Variants in RIPK1 observed in about 807,000 individuals in gnomAD.
The protein encoded by RIPK1 is receptor-interacting serine/threonine-protein kinase 1.
Under a neutral mutation model 62.4 loss-of-function variants are expected in RIPK1, and 27 were observed. The observed-to-expected ratio is 0.43, with a 90% CI of 0.32 to 0.60. The LOEUF is 0.60. RIPK1 is among the 20% of genes least tolerant of loss of function. RIPK1 has a pLI of 0.07. For missense variants in RIPK1, 735 were observed against 831.0 expected (o/e 0.88, Z 1.42); for synonymous variants, 287 against 303.2 (o/e 0.95, Z 0.55).
intron 2 of RIPK1, 123 bp downstream of exon 2, chr6:3,077,110 T>C: frequency 1.2e-6 from 1 of 855,462 alleles, no homozygotes; most frequent in South Asian, 2.0e-5. Flanking sequence ...TGCCAAGATG[T>C]CAGGGTGACG....
At chr6:3,107,780 A>G (rs140897471) in intron 9 of RIPK1, among the ~76,000 whole-genome samples, 193 of 152,102 alleles carry the variant, frequency 1.3e-3, no homozygotes, top group African/African-American at 4.4e-3. Flanking sequence ...GTTTAGTGCC[A>G]GAAATCTCTT....
chr6:3,078,087 A>C, intron 3 of RIPK1, 152 bp downstream of exon 3: 2 of 729,124 alleles, frequency 2.7e-6, no homozygotes, highest in Non-Finnish European at 4.4e-6. Flanking sequence ...TTATAGAGAC[A>C]AGGTCTTGCT....
intron 6 of RIPK1, among the ~76,000 whole-genome samples, chr6:3,087,302 G>T (rs1191334835): frequency 6.6e-6 from 1 of 152,014 alleles, no homozygotes; most frequent in African/African-American, 2.4e-5. Flanking sequence ...CATTATTTCT[G>T]TAAGTACTTT....
At chr6:3,070,770 T>C (rs1420080410) in intron 1 of RIPK1, among the ~76,000 whole-genome samples, 1 of 146,850 alleles carries the variant, frequency 6.8e-6, no homozygotes, top group Non-Finnish European at 1.5e-5. Context: ...TTTCTCCGTG[T>C]TTCTGACTGT....
Position 3,110,823 on chromosome 6 carries a change from A to C in RIPK1, c.1597A>C (p.Ile533Leu). 6.3e-7 allele frequency: 1 copy of C among 1,584,234 alleles called. No homozygotes were observed. Among genetic ancestry groups the C allele is most frequent in the Non-Finnish European group, 8.7e-7 (1 of 1,153,684 alleles). Reference sequence around the variant, plus strand: ...TGCAGATGAATCTATAAAATATACCATATACAATAGTACTGGCATTCAGAT... The same window carrying C: ...TGCAGATGAATCTATAAAATATACCCTATACAATAGTACTGGCATTCAGAT... The part of the protein sequence containing the change: ...PPTDESIKYT[I>L]YNSTGIQIGA... Residue 533 changes from isoleucine (I) to leucine (L), a missense_variant, in exon 10 of 11, where the codon ATA (isoleucine) becomes CTA (leucine). This residue lies in a region of RIPK1 where 671 missense variants were observed against 726.2 expected (regional missense o/e 0.92). Transcript: ENST00000259808.
In RIPK1 at chr6:3,076,699, C is replaced by CATATATATATATATAT. The variant is rs10526418; in HGVS notation, c.-60-53_-60-38dup. The CATATATATATATATAT allele has an allele frequency of 4.5e-3, 979 of 217,390 alleles. 55 individuals carry two copies. The highest frequency in any genetic ancestry group is 0.024 in the African/African-American group (570 of 24,060). 13.5% of individuals were successfully genotyped at this position (217,390 alleles called of 1,614,324 possible). Reference sequence around the variant, plus strand: ...TGTCTCCAAAGGAGAAAAAAAAAAACATATATATATATATATATATATATA... The same window carrying CATATATATATATATAT: ...TGTCTCCAAAGGAGAAAAAAAAAAACATATATATATATATATATATATATATATATATATATATATA... On this transcript the variant is annotated intron_variant, in intron 1 of 10. Transcript: ENST00000259808.
At position 3,105,051 on chromosome 6, in the gene RIPK1, C is replaced by T. The variant is rs1309927451; in HGVS notation, c.1007-431C>T. 6.6e-6 allele frequency among the ~76,000 whole-genome samples: 1 copy of T among 152,082 alleles called. No homozygotes were observed. Among genetic ancestry groups the T allele is most frequent in the Non-Finnish European group, 1.5e-5 (1 of 68,028 alleles). ...ATTTTCAGTAGAGATGGGGTTTCGC[C>T]ATGTTGGCCAGGCTGGTCTCGAACT... On this transcript the variant is annotated intron_variant, in intron 8 of 10. Coordinates refer to ENST00000259808, the MANE Select transcript of RIPK1 (RefSeq NM_001354930.2). This position sits in a 1 kb window ranked among gnomAD's most constrained non-coding sequence, Gnocchi z 4.5.
intron 4 of RIPK1, among the ~76,000 whole-genome samples, chr6:3,082,694 G>A (rs1022226069): frequency 4.6e-5 from 7 of 152,188 alleles, no homozygotes; most frequent in Admixed American, 3.3e-4. Flanking sequence ...CTGCATAAAT[G>A]TGCAGAGAAG....
intron 7 of RIPK1, among the ~76,000 whole-genome samples, chr6:3,093,985 A>C (rs865900862): frequency 0.086 from 4,204 of 48,628 alleles, 240 homozygotes; most frequent in Admixed American, 0.14. Context: ...GTAACTGCAG[A>C]GCGCCTACCT....
chr6:3,077,899 G>C lies in RIPK1; in HGVS notation c.285G>C (p.Met95Ile). ...EGKYSLVMEY[M>I]EKGNLMHVLK... ...AGTACTCCCTGGTGATGGAGTACAT[G>C]GAGAAGGGCAACCTGATGCACGTGC... Residue 95 changes from methionine to isoleucine, a missense_variant, in exon 3 of 11, where the codon ATG (methionine) becomes ATC (isoleucine). This residue lies in a region of RIPK1 where 671 missense variants were observed against 726.2 expected (regional missense o/e 0.92). Coordinates refer to ENST00000259808, the MANE Select transcript of RIPK1 (RefSeq NM_001354930.2). 1 of 1,614,216 alleles carries C rather than the reference G, an allele frequency of 6.2e-7. No individual in the cohort carries two copies. The highest frequency in any genetic ancestry group is 8.5e-7 in the Non-Finnish European group (1 of 1,180,034).
At chr6:3,112,925 A>G in intron 10 of RIPK1, 128 bp from the exon 11 acceptor site, 1 of 719,542 alleles carries the variant, frequency 1.4e-6, no homozygotes, top group East Asian at 2.8e-5. Context: ...CAGCTATATA[A>G]CTAAGAAGTT....
At position 3,113,442 on chromosome 6, in the gene RIPK1, G is replaced by C. The variant is rs767040782; in HGVS notation, c.*103G>C. 1 of 1,123,818 alleles carries C rather than the reference G, an allele frequency of 8.9e-7. No individual in the cohort carries two copies. The highest frequency in any genetic ancestry group is 1.2e-6 in the Non-Finnish European group (1 of 802,656). 69.6% of individuals were successfully genotyped at this position (1,123,818 alleles called of 1,614,324 possible). A position where few individuals can be genotyped will look rare whatever the true frequency, so the allele number is the denominator to read the frequency against. On this transcript the variant is annotated 3_prime_UTR_variant, in exon 11 of 11. Coordinates refer to ENST00000259808, the MANE Select transcript of RIPK1 (RefSeq NM_001354930.2). This position sits in a 1 kb window ranked among gnomAD's most constrained non-coding sequence, Gnocchi z 5.0. ...TCAGAATTCTGTCCTCACTGATAGG[G>C]GTTCTGTGTCTGCAGAAATTTTGTT...
Position 3,089,629 on chromosome 6 carries a change from G to A in RIPK1, c.887G>A (p.Ser296Asn). The A allele has an allele frequency of 6.3e-7, 1 of 1,587,418 alleles. No homozygotes were observed. Among genetic ancestry groups the A allele is most frequent in the Non-Finnish European group, 8.6e-7 (1 of 1,158,888 alleles). Residue 296 changes from serine to asparagine, a missense_variant, in exon 7 of 11, where the codon AGT becomes AAT. Around this residue, in one of 2 missense-constraint regions of RIPK1, gnomAD observed 671 missense variants for 726.2 expected, o/e 0.92. Coordinates refer to ENST00000259808, the MANE Select transcript of RIPK1 (RefSeq NM_001354930.2). ...RPFYLSQLEE[S>N]VEEDVKSLKK... Reference sequence around the variant, plus strand: ...TTTTATTTAAGTCAATTAGAAGAAAGTGTAGAAGAGGACGTGAAGAGTTTA... The same window carrying A: ...TTTTATTTAAGTCAATTAGAAGAAAATGTAGAAGAGGACGTGAAGAGTTTA...
At chr6:3,064,412 GTTC>G (rs944437179), upstream of RIPK1, among the ~76,000 whole-genome samples, 7 of 152,194 alleles carry the variant, frequency 4.6e-5, no homozygotes, top group African/African-American at 9.6e-5. Flanking sequence ...GTCTGTCCTG[GTTC>G]TTCTTCTGTC....
intron 7 of RIPK1, among the ~76,000 whole-genome samples, chr6:3,097,444 C>T (rs1440613933): frequency 1.3e-5 from 2 of 152,140 alleles, no homozygotes; most frequent in African/African-American, 4.8e-5. Flanking sequence ...TCTACACATA[C>T]CTAGAAACTT....
At chr6:3,078,118 C>T (rs1661280455) in intron 3 of RIPK1, among the ~76,000 whole-genome samples, 183 bp downstream of exon 3, 1 of 152,162 alleles carries the variant, frequency 6.6e-6, no homozygotes, top group South Asian at 2.1e-4. Context: ...GGCTGAACTC[C>T]AACACCTGGT....
rs201265798 is a variant in RIPK1 at position 3,076,785 on chromosome 6, G to T, written c.-39G>T. Reference sequence around the variant, plus strand: ...ACAGGGTACAGCTCTGCCGGGGGGGGAAAAAGTGGTACCATTTTGGGCGTT... The same window carrying T: ...ACAGGGTACAGCTCTGCCGGGGGGGTAAAAAGTGGTACCATTTTGGGCGTT... On this transcript the variant is annotated 5_prime_UTR_variant, in exon 2 of 11. Transcript: ENST00000259808. 2,012 of 1,605,806 alleles carry T rather than the reference G, an allele frequency of 1.3e-3. 10 individuals carry two copies. Among genetic ancestry groups the T allele is most frequent in the Non-Finnish European group, 1.0e-3 (1,208 of 1,176,704 alleles).
intron 7 of RIPK1, among the ~76,000 whole-genome samples, chr6:3,089,975 A>C (rs1356594676): frequency 6.6e-6 from 1 of 152,236 alleles, no homozygotes; most frequent in Non-Finnish European, 1.5e-5. Context: ...AGACCACAGA[A>C]TTATTCTGCT....
At chr6:3,068,121 C>A, upstream of RIPK1, 1 of 775,008 alleles carries the variant, frequency 1.3e-6, no homozygotes, top group Non-Finnish European at 1.6e-6. Flanking sequence ...CGAGACTTCA[C>A]AATTACCATT....
Sources: allele counts gnomAD v4.1 joint callset (sites outside exome capture counted in the v4.1 genomes callset), GRCh38; gene constraint gnomAD v4.1.1; regional missense constraint gnomAD v4.1.1; non-coding constraint Gnocchi (gnomAD v3.1); transcripts MANE v1.5; gene names NCBI Gene and HGNC (gene_info 2026-07-23, HGNC 2026-07-21).